The following PTPRN2 variants were observed in gnomAD, a reference collection of about 807,000 sequenced individuals.
PTPRN2 encodes protein tyrosine phosphatase receptor type N2.
Under a neutral mutation model 118.8 loss-of-function variants are expected in PTPRN2, and 74 were observed. The observed-to-expected ratio is 0.62, with a 90% CI of 0.52 to 0.76. The LOEUF is 0.76. Among genes scored for constraint, PTPRN2 ranks in the 30% least tolerant of loss-of-function variants. PTPRN2 has a pLI of 0.00. For synonymous variants in PTPRN2, 641 were observed against 608.0 expected (o/e 1.05, Z -0.80); for missense variants, 1,481 against 1,394.4 (o/e 1.06, Z -0.99).
In PTPRN2 at chr7:158,015,854, C is replaced by T. The variant is rs1243570341; in HGVS notation, c.1723+65444G>A. On this transcript the variant is annotated intron_variant, in intron 11 of 22. Transcript: ENST00000389418. This position sits in a 1 kb window ranked among gnomAD's most constrained non-coding sequence, Gnocchi z 4.2. ...TTAAGACAAAAATAGACACGGAAGC[C>T]GCGATCGAGGAGGAGGGGGAACAAA... 2.0e-5 allele frequency among the ~76,000 whole-genome samples: 3 copies of T among 152,126 alleles called. No homozygotes were observed. Among genetic ancestry groups the T allele is most frequent in the Non-Finnish European group, 2.9e-5 (2 of 68,040 alleles).
At chr7:158,380,927 C>G (rs571695575) in intron 2 of PTPRN2, among the ~76,000 whole-genome samples, 3 of 152,398 alleles carry the variant, frequency 2.0e-5, no homozygotes, top group Admixed American at 6.5e-5. Flanking sequence ...GGCTTGCCCC[C>G]CTCTGAAGCC....
At chr7:157,770,435 G>C (rs966434797) in intron 12 of PTPRN2, among the ~76,000 whole-genome samples, 1 of 152,160 alleles carries the variant, frequency 6.6e-6, no homozygotes, top group Non-Finnish European at 1.5e-5. Flanking sequence ...ACCTCTTTAC[G>C]TTAAACCGGA....
At chr7:158,261,997 G>A (rs1797433948) in intron 3 of PTPRN2, among the ~76,000 whole-genome samples, 1 of 152,196 alleles carries the variant, frequency 6.6e-6, no homozygotes, top group African/African-American at 2.4e-5. Flanking sequence ...TGTGACAACA[G>A]GAGGGGCCAC....
chr7:157,971,003 C>A (rs1046833407), intron 11 of PTPRN2, among the ~76,000 whole-genome samples: 4 of 152,170 alleles, frequency 2.6e-5, no homozygotes, highest in Non-Finnish European at 5.9e-5. Flanking sequence ...GTAAAGTCAG[C>A]TGAAATAATC....
intron 3 of PTPRN2, among the ~76,000 whole-genome samples, chr7:158,227,644 C>T (rs1828892619): frequency 6.6e-6 from 1 of 152,210 alleles, no homozygotes; most frequent in Admixed American, 6.5e-5. Flanking sequence ...TAAACTCATG[C>T]TCAAAATGCT....
intron 1 of PTPRN2, among the ~76,000 whole-genome samples, chr7:158,586,354 C>A (rs565581586): frequency 1.2e-4 from 19 of 152,336 alleles, no homozygotes; most frequent in Non-Finnish European, 2.2e-4. Flanking sequence ...CGATAAAGCA[C>A]TACTGGAGAC....
intron 16 of PTPRN2, among the ~76,000 whole-genome samples, chr7:157,602,294 G>A (rs936709766): frequency 6.6e-6 from 1 of 152,234 alleles, no homozygotes; most frequent in Non-Finnish European, 1.5e-5. Context: ...GCGGGAAAAC[G>A]GGACTGGCTC....
chr7:157,640,672 G>A (rs996282995), intron 14 of PTPRN2, among the ~76,000 whole-genome samples: 4 of 152,218 alleles, frequency 2.6e-5, no homozygotes, highest in East Asian at 1.9e-4. Context: ...CAGACATAGC[G>A]ATCAGGAAGG....
At chr7:157,553,538 CCT>C (rs1798738554) in intron 21 of PTPRN2, among the ~76,000 whole-genome samples, 1 of 152,150 alleles carries the variant, frequency 6.6e-6, no homozygotes, top group Non-Finnish European at 1.5e-5. Context: ...ATCGTGGCTC[CCT>C]CTCAGGCTGT....
chr7:157,914,770 C>A (rs1173201414), intron 11 of PTPRN2, among the ~76,000 whole-genome samples: 1 of 152,130 alleles, frequency 6.6e-6, no homozygotes, highest in Non-Finnish European at 1.5e-5. Flanking sequence ...TCCTACTCTA[C>A]TGCAAGACTT....
At chr7:158,511,501 A>C (rs1427297519) in intron 1 of PTPRN2, among the ~76,000 whole-genome samples, 2 of 152,204 alleles carry the variant, frequency 1.3e-5, no homozygotes, top group Non-Finnish European at 2.9e-5. Flanking sequence ...AAGGGTCCCA[A>C]CACGAAAAAG....
At chr7:157,653,740 C>T (rs1006206580) in intron 14 of PTPRN2, among the ~76,000 whole-genome samples, 1 of 152,036 alleles carries the variant, frequency 6.6e-6, no homozygotes, top group African/African-American at 2.4e-5. Flanking sequence ...TGAGAGGAGA[C>T]GCCAGGGTCC....
chr7:157,556,443 A>G (rs1487309883), intron 21 of PTPRN2, among the ~76,000 whole-genome samples: 1 of 150,572 alleles, frequency 6.6e-6, no homozygotes, highest in East Asian at 2.0e-4. Context: ...ACAGGCATGC[A>G]CACATCACAC....
At chr7:158,297,668 A>G (rs1332023290) in intron 3 of PTPRN2, among the ~76,000 whole-genome samples, 1 of 152,240 alleles carries the variant, frequency 6.6e-6, no homozygotes, top group African/African-American at 2.4e-5. Context: ...TGTAAAACAG[A>G]GAATGGCCAA....
rs769941305 is a variant in PTPRN2, at chr7:158,022,950, G to A, written c.1723+58348C>T. Among the ~76,000 whole-genome samples, 2 of 152,226 alleles carry A rather than the reference G, an allele frequency of 1.3e-5. No homozygotes were observed. The highest frequency in any genetic ancestry group is 2.4e-5 in the African/African-American group (1 of 41,468). ...TGCAGGGGATGGCAAGAGCAGGGTC[G>A]CCCTGGTGAGTCTGAACTCTGTGCA... On this transcript the variant is annotated intron_variant, in intron 11 of 22. Coordinates refer to ENST00000389418, the MANE Select transcript of PTPRN2 (RefSeq NM_002847.5). The surrounding 1 kb of genome is among the most constrained non-coding windows in gnomAD (Gnocchi z 4.6).
intron 12 of PTPRN2, among the ~76,000 whole-genome samples, chr7:157,736,013 G>A (rs1365209421): frequency 1.3e-5 from 2 of 152,300 alleles, no homozygotes; most frequent in East Asian, 3.9e-4. Flanking sequence ...GGTGGGCCCC[G>A]TTCCCAAACA....
rs904016289 is a variant in PTPRN2 at position 157,780,863 on chromosome 7, T to G, written c.1789-97926A>C. Among the ~76,000 whole-genome samples, 2 of 152,152 alleles carry G rather than the reference T, an allele frequency of 1.3e-5. No homozygotes were observed. The highest frequency in any genetic ancestry group is 4.8e-5 in the African/African-American group (2 of 41,436). ...TCCCCACAGATCAATCAGGACAGAA[T>G]ACTCACTAACCAAAGGTCGGTTTCA... On this transcript the variant is annotated intron_variant, in intron 12 of 22. Transcript: ENST00000389418. The surrounding 1 kb of genome is among the most constrained non-coding windows in gnomAD (Gnocchi z 4.5).
At chr7:158,462,358 C>G (rs1316336555) in intron 2 of PTPRN2, among the ~76,000 whole-genome samples, 1 of 152,212 alleles carries the variant, frequency 6.6e-6, no homozygotes, top group African/African-American at 2.4e-5. Flanking sequence ...GTGGCTTCTA[C>G]TATCTGGCAT....
chr7:158,075,958 C>T (rs1812325857), intron 11 of PTPRN2, among the ~76,000 whole-genome samples: 1 of 152,220 alleles, frequency 6.6e-6, no homozygotes, highest in Non-Finnish European at 1.5e-5. Flanking sequence ...TCCAGTCTCA[C>T]TGCTCTGGCG....
Sources: gnomAD v4.1 joint callset for allele counts (sites outside exome capture counted in the v4.1 genomes callset) on GRCh38, gnomAD v4.1.1 for gene constraint, Gnocchi (gnomAD v3.1) non-coding constraint, MANE v1.5 for transcripts, NCBI Gene and HGNC (gene_info 2026-07-23, HGNC 2026-07-21) for gene names.